The following TRIT1 variants were observed in gnomAD, a reference collection of about 807,000 sequenced individuals.
TRIT1 encodes the protein tRNA dimethylallyltransferase.
In TRIT1, 43 loss-of-function variants were observed where a neutral mutation model predicts 51.2. The observed-to-expected ratio is 0.84, with a 90% CI of 0.66 to 1.08. The LOEUF (loss-of-function observed/expected upper bound fraction) is 1.08, where lower values mean the gene tolerates loss of function less well. Among genes scored for constraint, TRIT1 ranks in the 50% least tolerant of loss-of-function variants. The pLI is 0.00. For missense variants in TRIT1, 528 were observed against 578.4 expected (o/e 0.91, Z 0.89); for synonymous variants, 184 against 203.9 (o/e 0.90, Z 0.83).
chr1:39,849,698 T>TATCA (rs1343329814), intron 5 of TRIT1, among the ~76,000 whole-genome samples: 1 of 152,262 alleles, frequency 6.6e-6, no homozygotes, highest in African/African-American at 2.4e-5. Flanking sequence ...AAGTTACTAC[T>TATCA]ATCACGGACA....
At chr1:39,875,487 T>G (rs913641071) in intron 1 of TRIT1, among the ~76,000 whole-genome samples, 1 of 151,214 alleles carries the variant, frequency 6.6e-6, no homozygotes, top group Non-Finnish European at 1.5e-5. Context: ...GACTCTGTCT[T>G]GAAAAAAAAA....
chr1:39,869,167 G>T lies in TRIT1; in HGVS notation c.175-11750C>A, dbSNP rs928613095. On this transcript the variant is annotated intron_variant, in intron 1 of 10. Coordinates refer to ENST00000316891, the MANE Select transcript of TRIT1 (RefSeq NM_017646.6). ...TCTGATGCAGACTGGAGGCTGGACT[G>T]TAGTGCCGCCATCTCGGCTCACTGC... Among the ~76,000 whole-genome samples, 9 of 151,798 alleles carry T rather than the reference G, an allele frequency of 5.9e-5. No homozygotes were observed. In the East Asian group the frequency reaches 1.8e-3, roughly 30 times the overall value.
intron 4 of TRIT1, among the ~76,000 whole-genome samples, chr1:39,850,850 T>C (rs1359462677): frequency 1.3e-5 from 2 of 152,180 alleles, no homozygotes; most frequent in Admixed American, 6.5e-5. Flanking sequence ...GCTCATCAGC[T>C]TTCTTTTTAA....
rs535598145 is a variant in TRIT1 at position 39,864,953 on chromosome 1, A to T, written c.175-7536T>A. On this transcript the variant is annotated intron_variant, in intron 1 of 10. Coordinates refer to ENST00000316891, the MANE Select transcript of TRIT1 (RefSeq NM_017646.6). ...TTCACTTATGTCCTTCCCATTTCAA[A>T]TTAGATCCTAAAGTCCTTCAATCAC... 2.6e-5 allele frequency among the ~76,000 whole-genome samples: 4 copies of T among 152,326 alleles called. No homozygotes were observed. In the East Asian group the frequency reaches 7.7e-4, roughly 29 times the overall value.
intron 1 of TRIT1, among the ~76,000 whole-genome samples, chr1:39,879,500 ATATT>A (rs1644175815): frequency 6.6e-6 from 1 of 151,742 alleles, no homozygotes; most frequent in South Asian, 2.1e-4. Context: ...ATATATATAT[ATATT>A]TATCACCAGC....
chr1:39,844,261 T>A (rs1248185124), intron 9 of TRIT1, 43 bp from the exon 10 acceptor site: 4 of 1,469,234 alleles, frequency 2.7e-6, no homozygotes, highest in Non-Finnish European at 2.8e-6. Context: ...TTCAAAGAGA[T>A]CTGGATATAA....
chr1:39,880,777 C>T (rs886224978), intron 1 of TRIT1, among the ~76,000 whole-genome samples: 19 of 149,038 alleles, frequency 1.3e-4, no homozygotes, highest in African/African-American at 3.7e-4. Flanking sequence ...CCAGCCTGGG[C>T]GACAGAGCAA....
intron 5 of TRIT1, among the ~76,000 whole-genome samples, chr1:39,848,924 T>G (rs148819609): frequency 2.0e-4 from 31 of 152,192 alleles, no homozygotes; most frequent in African/African-American, 6.7e-4. Flanking sequence ...CAAACAGCTT[T>G]ACTATGAATC....
chr1:39,852,275 T>G lies in TRIT1; in HGVS notation c.560+456A>C, dbSNP rs1642625544. Reference sequence around the variant, plus strand: ...GAGTTCATTCACTACCTCTCTTCCCTACCAGATAGTTTCCATGTGCAAAGG... The same window carrying G: ...GAGTTCATTCACTACCTCTCTTCCCGACCAGATAGTTTCCATGTGCAAAGG... On this transcript the variant is annotated intron_variant, in intron 4 of 10. Coordinates refer to ENST00000316891, the MANE Select transcript of TRIT1 (RefSeq NM_017646.6). 1.3e-5 allele frequency among the ~76,000 whole-genome samples: 2 copies of G among 152,176 alleles called. 1 individual carries two copies. Among genetic ancestry groups the G allele is most frequent in the South Asian group, 4.1e-4 (2 of 4,828 alleles).
chr1:39,863,525 T>C (rs550765663), intron 1 of TRIT1, among the ~76,000 whole-genome samples: 1 of 152,234 alleles, frequency 6.6e-6, no homozygotes, highest in East Asian at 1.9e-4. Context: ...TTAAAGAAGA[T>C]ACATGATACA....
intron 1 of TRIT1, among the ~76,000 whole-genome samples, chr1:39,868,258 A>T (rs1322919834): frequency 6.6e-6 from 1 of 152,248 alleles, no homozygotes; most frequent in African/African-American, 2.4e-5. Context: ...TGTGAAAGAT[A>T]CTGTGAAGAG....
intron 4 of TRIT1, among the ~76,000 whole-genome samples, chr1:39,851,773 C>G (rs56246323): frequency 0.078 from 11,797 of 151,338 alleles, 609 homozygotes; most frequent in South Asian, 0.12. Context: ...CAAAACATCT[C>G]TAAAAAAAAT....
intron 1 of TRIT1, among the ~76,000 whole-genome samples, chr1:39,873,966 G>C (rs1643963239): frequency 6.6e-6 from 1 of 150,912 alleles, no homozygotes; most frequent in Non-Finnish European, 1.5e-5. Flanking sequence ...AGTGAGCCGA[G>C]ATCACACCAT....
rs1316814581 is a variant in TRIT1, at chr1:39,883,434, G to A, written c.58C>T (p.Gln20Ter). The A allele has an allele frequency of 2.5e-6, 4 of 1,613,348 alleles. No individual in the cohort carries two copies. The highest frequency in any genetic ancestry group is 2.5e-6 in the Non-Finnish European group (3 of 1,179,522). ...VPVGSGLRGL[Q>*]RTLPLVVILG... ...ATCACTACAAGAGGTAGGGTCCGTT[G>A]CAGGCCCCTGAGCCCACTGCCCACG... Residue 20 changes from glutamine (Q) to a stop codon, truncating the protein, a stop_gained, in exon 1 of 11, where the codon CAA becomes TAA. Transcript: ENST00000316891. LOFTEE classifies it high-confidence loss of function.
At chr1:39,857,184 T>C in intron 2 of TRIT1, 93 bp downstream of exon 2, 1 of 1,459,046 alleles carries the variant, frequency 6.9e-7, no homozygotes, top group Non-Finnish European at 9.2e-7. Context: ...GGGTGCCCCT[T>C]CTGAGAAGAA....
intron 1 of TRIT1, among the ~76,000 whole-genome samples, chr1:39,859,991 C>T (rs570192461): frequency 6.6e-6 from 1 of 152,234 alleles, no homozygotes; most frequent in South Asian, 2.1e-4. Context: ...CTTCTAGAGG[C>T]CCTTAAAATG....
intron 2 of TRIT1, among the ~76,000 whole-genome samples, chr1:39,854,990 A>G (rs1280478132): frequency 6.6e-6 from 1 of 152,004 alleles, no homozygotes; most frequent in African/African-American, 2.4e-5. Context: ...TGGGACTACA[A>G]GCACATGCCA....
At chr1:39,864,885 G>GC (rs1643449552) in intron 1 of TRIT1, among the ~76,000 whole-genome samples, 1 of 152,154 alleles carries the variant, frequency 6.6e-6, no homozygotes, top group African/African-American at 2.4e-5. Context: ...AGGAAAAGCT[G>GC]CCCCCTGGTT....
chr1:39,849,626 G>C (rs751165322), intron 5 of TRIT1, among the ~76,000 whole-genome samples: 1 of 152,176 alleles, frequency 6.6e-6, no homozygotes, highest in African/African-American at 2.4e-5. Context: ...CTCTGAAACC[G>C]AAGTACCACA....
Sources: allele counts gnomAD v4.1 joint callset (sites outside exome capture counted in the v4.1 genomes callset), GRCh38; gene constraint gnomAD v4.1.1; transcripts MANE v1.5; gene names NCBI Gene and HGNC (gene_info 2026-07-23, HGNC 2026-07-21).